ATP8B4: variants seen among roughly 807,000 people sequenced by gnomAD.
The protein encoded by ATP8B4 is ATPase phospholipid transporting 8B4 (putative).
Under a neutral mutation model 145.6 loss-of-function variants are expected in ATP8B4, and 133 were observed. The ratio of observed to expected loss-of-function variants is 0.91; its 90% CI spans 0.79 to 1.05. The LOEUF is 1.05. Ranked by LOEUF, ATP8B4 falls within the 50% of genes least tolerant of loss-of-function variation. The pLI, the probability that ATP8B4 is intolerant of heterozygous loss-of-function variation, is 0.00. For synonymous variants in ATP8B4, 507 were observed against 492.9 expected (o/e 1.03, Z -0.38); for missense variants, 1,458 against 1,425.2 (o/e 1.02, Z -0.37).
chr15:49,938,253 A>G (rs2041890319), intron 14 of ATP8B4, among the ~76,000 whole-genome samples: 2 of 152,178 alleles, frequency 1.3e-5, no homozygotes, highest in South Asian at 4.1e-4. Context: ...ACCAGCTGAC[A>G]GTTTCATGGT....
chr15:49,877,540 C>T (rs2034649957), intron 24 of ATP8B4, among the ~76,000 whole-genome samples: 1 of 152,108 alleles, frequency 6.6e-6, no homozygotes, highest in African/African-American at 2.4e-5. Context: ...TTAGAAAGTC[C>T]TGTTTTTAGA....
chr15:50,095,559 C>T lies in ATP8B4; in HGVS notation c.28+11380G>A, dbSNP rs1433892470. Reference sequence around the variant, plus strand: ...ATTACTTCAGGCCAGGCCTTCAAGACAAACCTGAACAGTATAGTGAGACCC... The same window carrying T: ...ATTACTTCAGGCCAGGCCTTCAAGATAAACCTGAACAGTATAGTGAGACCC... On this transcript the variant is annotated intron_variant, in intron 2 of 27. Transcript: ENST00000284509. Among the ~76,000 whole-genome samples the T allele has an allele frequency of 3.9e-5, 6 of 152,078 alleles. No homozygotes were observed. The East Asian group carries it at 1.2e-3, about 29-fold the overall frequency.
chr15:49,920,782 A>G (rs1164285374), intron 17 of ATP8B4, among the ~76,000 whole-genome samples: 2 of 152,150 alleles, frequency 1.3e-5, no homozygotes, highest in African/African-American at 2.4e-5. Flanking sequence ...TGGCCATGAG[A>G]GGGACCCAGT....
intron 24 of ATP8B4, among the ~76,000 whole-genome samples, chr15:49,878,743 C>T (rs967691794): frequency 3.9e-5 from 6 of 152,134 alleles, no homozygotes; most frequent in Non-Finnish European, 7.3e-5. Context: ...AAAAGAAATC[C>T]ATGCTCTTTC....
intron 2 of ATP8B4, among the ~76,000 whole-genome samples, chr15:50,091,033 A>T (rs2055577734): frequency 6.6e-6 from 1 of 152,200 alleles, no homozygotes; most frequent in Admixed American, 6.5e-5. Flanking sequence ...GTGCTTTTAA[A>T]AAAAAGAAAA....
chr15:49,908,574 A>T (rs2038879159), intron 20 of ATP8B4, among the ~76,000 whole-genome samples: 1 of 152,102 alleles, frequency 6.6e-6, no homozygotes, highest in African/African-American at 2.4e-5. Context: ...TAACATAGGG[A>T]GCTGCCTGAA....
intron 6 of ATP8B4, among the ~76,000 whole-genome samples, chr15:50,016,809 C>T (rs992898085): frequency 5.3e-5 from 8 of 152,194 alleles, no homozygotes; most frequent in African/African-American, 1.9e-4. Context: ...AAAATATGTT[C>T]TGCAGTCCTA....
At chr15:49,881,081 C>G (rs2035325471) in intron 23 of ATP8B4, among the ~76,000 whole-genome samples, 1 of 152,046 alleles carries the variant, frequency 6.6e-6, no homozygotes, top group Non-Finnish European at 1.5e-5. Flanking sequence ...CACTGCACTC[C>G]AGCCTGGGTG....
chr15:50,174,968 T>C (rs1006014925), intron 1 of ATP8B4, among the ~76,000 whole-genome samples: 3 of 152,116 alleles, frequency 2.0e-5, no homozygotes, highest in South Asian at 2.1e-4. Context: ...TGGAACAGAA[T>C]AGATAACCCA....
chr15:50,051,934 T>C (rs967235822), intron 3 of ATP8B4, among the ~76,000 whole-genome samples: 19 of 152,328 alleles, frequency 1.2e-4, no homozygotes, highest in African/African-American at 4.6e-4. Flanking sequence ...ATAGCAATGA[T>C]TGTGTTTGTT....
chr15:50,072,942 C>G (rs1276981526), intron 3 of ATP8B4, among the ~76,000 whole-genome samples: 2 of 23,876 alleles, frequency 8.4e-5, no homozygotes, highest in African/African-American at 3.5e-4. Flanking sequence ...CTCTCTCTCT[C>G]TCTCTCTCTC....
rs149781637 is a variant in ATP8B4 at position 50,167,087 on chromosome 15, C to T, written c.-43+15174G>A. Among the ~76,000 whole-genome samples the T allele has an allele frequency of 1.8e-3, 269 of 152,314 alleles. 1 individual carries two copies. Among genetic ancestry groups the T allele is most frequent in the Admixed American group, 0.016 (249 of 15,300 alleles). ...GTTTCAGTGAAATAGTTACAGCCTA[C>T]TTTAGGTCCTTGTACTTTTTTCTAT... is the stretch of plus-strand genomic sequence containing the variant. On this transcript the variant is annotated intron_variant, in intron 1 of 3. Transcript: ENST00000558829.
rs12909131 is a variant in ATP8B4, at chr15:50,095,481, C to A, written c.28+11458G>T. ...TGTCAAAACAGATAATGAGGTTGAA[C>A]GCAGTGGCTCACACCTGTAATTGTT... is the stretch of plus-strand genomic sequence containing the variant. On this transcript the variant is annotated intron_variant, in intron 2 of 27. Transcript: ENST00000284509. Among the ~76,000 whole-genome samples the A allele has an allele frequency of 2.6e-5, 4 of 152,156 alleles. No homozygotes were observed. The South Asian group carries it at 8.3e-4, about 32-fold the overall frequency.
At chr15:50,099,544 G>A (rs2056214830) in intron 2 of ATP8B4, among the ~76,000 whole-genome samples, 1 of 152,162 alleles carries the variant, frequency 6.6e-6, no homozygotes, top group African/African-American at 2.4e-5. Context: ...GCCTCCTGAA[G>A]TGCTGAGATT....
At chr15:50,055,858 A>G (rs562796963) in intron 3 of ATP8B4, among the ~76,000 whole-genome samples, 65 of 152,144 alleles carry the variant, frequency 4.3e-4, no homozygotes, top group Non-Finnish European at 8.5e-4. Context: ...CATGCAAAGA[A>G]CCCAAAAGAA....
At chr15:50,019,021 G>T (rs1274573521) in intron 6 of ATP8B4, 2 of 945,502 alleles carry the variant, frequency 2.1e-6, no homozygotes, top group Non-Finnish European at 2.9e-6. Flanking sequence ...GTAAATCCAT[G>T]AATGACAAAT....
At chr15:49,948,951 C>T (rs940338047) in intron 14 of ATP8B4, among the ~76,000 whole-genome samples, 2 of 152,048 alleles carry the variant, frequency 1.3e-5, no homozygotes, top group African/African-American at 4.8e-5. Flanking sequence ...TTGTTTTTGT[C>T]AGGTTCGTCG....
At chr15:50,047,625 A>G (rs961006831) in intron 3 of ATP8B4, among the ~76,000 whole-genome samples, 161 bp from the exon 4 acceptor site, 3 of 152,004 alleles carry the variant, frequency 2.0e-5, no homozygotes, top group Non-Finnish European at 2.9e-5. Flanking sequence ...TCCCAAGATG[A>G]TATGCTCCTG....
At chr15:49,958,184 G>C (rs1477339422) in intron 14 of ATP8B4, among the ~76,000 whole-genome samples, 1 of 151,050 alleles carries the variant, frequency 6.6e-6, no homozygotes, top group Non-Finnish European at 1.5e-5. Flanking sequence ...ACTGATATTA[G>C]AAAAATAAAG....
Sources: gnomAD v4.1 joint callset for allele counts (sites outside exome capture counted in the v4.1 genomes callset) on GRCh38, gnomAD v4.1.1 for gene constraint, MANE v1.5 for transcripts, NCBI Gene and HGNC (gene_info 2026-07-23, HGNC 2026-07-21) for gene names.